THTPA: variants seen among roughly 807,000 people sequenced by gnomAD.
THTPA encodes the protein thiamine-triphosphatase.
Under a neutral mutation model 16.5 loss-of-function variants are expected in THTPA, and 16 were observed. That is an observed-to-expected ratio of 0.97 (90% CI 0.66 to 1.47). THTPA has a LOEUF of 1.47. THTPA is among the 40% of genes most tolerant of loss of function. The pLI, the probability that THTPA is intolerant of heterozygous loss-of-function variation, is 0.00. For synonymous variants in THTPA, 110 were observed against 115.5 expected, an observed-to-expected ratio of 0.95 and a Z score of 0.30; for missense variants, 281 against 280.9, an observed-to-expected ratio of 1.00 and a Z score of 0.00.
chr14:23,541,125 C>T, the THTPA span, among the ~76,000 whole-genome samples: 5 of 151,872 alleles, frequency 3.3e-5, no homozygotes, highest in Admixed American at 6.6e-5. Context: ...AGGCTGGTCT[C>T]GAACTCCTGA....
At chr14:23,525,550 A>C in the THTPA span, 3 of 1,534,384 alleles carry the variant, frequency 2.0e-6, no homozygotes, top group African/African-American at 4.1e-5. The surrounding 1 kb of genome is among the most constrained non-coding windows in gnomAD (Gnocchi z 5.9). Context: ...GGGTAGGGGG[A>C]GGGGGCACAG....
Position 23,557,383 on chromosome 14 carries a change from G to A in THTPA, c.547+79G>A, listed in dbSNP as rs145670807. The A allele has an allele frequency of 3.8e-4, 535 of 1,413,898 alleles. 1 individual carries two copies. The African/African-American group carries it at 6.6e-3, about 17-fold the overall frequency. The allele number at this position is 1,413,898 out of a possible 1,614,324, so 87.6% of individuals were successfully genotyped here. ...GAGGCACCTGCTGGACCATGCAGTG[G>A]GGGAGGGCCTCCGGATTAAAAATTT... On this transcript the variant is annotated intron_variant, in intron 1 of 1. Transcript: ENST00000288014.
At chr14:23,557,436 G>A (rs1006009766) in intron 1 of THTPA, 132 bp downstream of exon 1, 22 of 1,000,866 alleles carry the variant, frequency 2.2e-5, no homozygotes, top group Non-Finnish European at 3.1e-5. Flanking sequence ...AGGTTTTGCC[G>A]TGTTGCCCAG....
the THTPA span, chr14:23,522,320 C>T: frequency 2.8e-5 from 43 of 1,526,852 alleles, no homozygotes; most frequent in East Asian, 7.4e-4. Flanking sequence ...CTTGCACTGG[C>T]GGCACAGGTA....
At chr14:23,523,926 C>T in the THTPA span, 1 of 1,536,206 alleles carries the variant, frequency 6.5e-7, no homozygotes, top group Non-Finnish European at 8.7e-7. This position sits in a 1 kb window ranked among gnomAD's most constrained non-coding sequence, Gnocchi z 4.1. Flanking sequence ...CCCTCTTCCT[C>T]ACTGGGTGGA....
the THTPA span, chr14:23,523,176 C>A: frequency 7.1e-7 from 1 of 1,411,980 alleles, no homozygotes; most frequent in East Asian, 2.6e-5. The surrounding 1 kb of genome is among the most constrained non-coding windows in gnomAD (Gnocchi z 4.1). Context: ...TCTCTGAAGT[C>A]CAGCTCCTCC....
rs1240348238 is a variant in THTPA at position 23,556,715 on chromosome 14, C to T, written c.-43C>T. On this transcript the variant is annotated 5_prime_UTR_variant, in exon 1 of 2. Coordinates refer to ENST00000288014, the MANE Select transcript of THTPA (RefSeq NM_024328.6). ...GGAGCTGAGCACCAGGCTTTGCATC[C>T]TTGGGAACTCAGCAAACGTTTGTTC... The T allele has an allele frequency of 6.3e-7, 1 of 1,581,418 alleles. No homozygotes were observed. Among genetic ancestry groups the T allele is most frequent in the Non-Finnish European group, 8.6e-7 (1 of 1,164,300 alleles).
chr14:23,556,712 A>G lies in THTPA; in HGVS notation c.-46A>G, dbSNP rs1882410235. 2 of 1,575,422 alleles carry G rather than the reference A, an allele frequency of 1.3e-6. No homozygotes were observed. Among genetic ancestry groups the G allele is most frequent in the African/African-American group, 1.3e-5 (1 of 74,238 alleles). ...CCAGGAGCTGAGCACCAGGCTTTGC[A>G]TCCTTGGGAACTCAGCAAACGTTTG... On this transcript the variant is annotated 5_prime_UTR_variant, in exon 1 of 2. Transcript: ENST00000288014.
At chr14:23,541,373 C>T in the THTPA span, among the ~76,000 whole-genome samples, 2 of 151,342 alleles carry the variant, frequency 1.3e-5, no homozygotes, top group Non-Finnish European at 2.9e-5. Context: ...ACTGCAAACT[C>T]CACCCCTGGG....
At chr14:23,548,872 C>T in the THTPA span, among the ~76,000 whole-genome samples, 1 of 152,324 alleles carries the variant, frequency 6.6e-6, no homozygotes, top group African/African-American at 2.4e-5. Context: ...CTCTCGCTCT[C>T]TTCGCATCAG....
chr14:23,533,398 G>T, the THTPA span: 1 of 1,484,084 alleles, frequency 6.7e-7, no homozygotes, highest in Non-Finnish European at 8.9e-7. The surrounding 1 kb of genome is among the most constrained non-coding windows in gnomAD (Gnocchi z 4.8). Flanking sequence ...GGGAGTCTGA[G>T]GCTGCCCTAG....
the THTPA span, chr14:23,527,635 A>G: frequency 2.6e-6 from 4 of 1,536,548 alleles, no homozygotes; most frequent in Middle Eastern, 1.7e-4. Flanking sequence ...GCACTCGGGC[A>G]CCACGTTGTG....
At chr14:23,524,830 C>T in the THTPA span, 1 of 1,537,054 alleles carries the variant, frequency 6.5e-7, no homozygotes, top group East Asian at 2.4e-5. This position sits in a 1 kb window ranked among gnomAD's most constrained non-coding sequence, Gnocchi z 5.6. Context: ...CTCTCTCTGC[C>T]TCTTCCTCCT....
chr14:23,533,013 G>C, the THTPA span: 1 of 1,536,114 alleles, frequency 6.5e-7, no homozygotes, highest in Non-Finnish European at 8.7e-7. This position sits in a 1 kb window ranked among gnomAD's most constrained non-coding sequence, Gnocchi z 4.8. Context: ...GGTGAGGTGG[G>C]CAGGCTGTCA....
At chr14:23,525,815 G>T in the THTPA span, 4 of 1,463,592 alleles carry the variant, frequency 2.7e-6, no homozygotes, top group Non-Finnish European at 3.6e-6. This position sits in a 1 kb window ranked among gnomAD's most constrained non-coding sequence, Gnocchi z 5.9. Flanking sequence ...TGTCAGCTTG[G>T]GCCCCACCTT....
chr14:23,547,394 T>C, the THTPA span, among the ~76,000 whole-genome samples: 3 of 152,252 alleles, frequency 2.0e-5, no homozygotes, highest in African/African-American at 7.2e-5. Context: ...AGTTTCATGA[T>C]TGGGAATGGG....
chr14:23,521,578 G>T, the THTPA span: 9 of 198,064 alleles, frequency 4.5e-5, no homozygotes, highest in Non-Finnish European at 7.2e-5. Context: ...GCATGTATGT[G>T]TATGCATTTA....
the THTPA span, among the ~76,000 whole-genome samples, chr14:23,536,240 G>A: frequency 6.6e-6 from 1 of 152,186 alleles, no homozygotes; most frequent in Non-Finnish European, 1.5e-5. Context: ...GGGGGCTTTA[G>A]TTTTTGCTCT....
the THTPA span, chr14:23,529,696 AC>A: frequency 2.0e-6 from 3 of 1,535,726 alleles, no homozygotes; most frequent in Admixed American, 3.9e-5. Flanking sequence ...CTTCCCAGTT[AC>A]CCCAATTCTG....
Sources: gnomAD v4.1 joint callset for allele counts (sites outside exome capture counted in the v4.1 genomes callset) on GRCh38, gnomAD v4.1.1 for gene constraint, Gnocchi (gnomAD v3.1) non-coding constraint, MANE v1.5 for transcripts, NCBI Gene and HGNC (gene_info 2026-07-23, HGNC 2026-07-21) for gene names.